NPIPA5: variants seen among roughly 807,000 people sequenced by gnomAD.
The protein encoded by NPIPA5 is nuclear pore complex-interacting protein family member A5.
Under a neutral mutation model 21.4 loss-of-function variants are expected in NPIPA5, and 6 were observed. The observed-to-expected ratio is 0.28, with a 90% confidence interval of 0.15 to 0.55. The LOEUF is 0.55. Ranked by LOEUF, NPIPA5 falls within the 20% of genes least tolerant of loss-of-function variation. The probability of loss-of-function intolerance (pLI) is 0.93; values close to 1 mark genes in which losing one functional copy is unlikely to be tolerated. For missense variants in NPIPA5, 99 were observed against 318.2 expected (o/e 0.31, Z 5.24); for synonymous variants, 33 against 115.3 (o/e 0.29, Z 4.57).
At chr16:15,372,488 G>C (rs1428258205) in intron 2 of NPIPA5, among the ~76,000 whole-genome samples, 1 of 144,974 alleles carries the variant, frequency 6.9e-6, no homozygotes, top group African/African-American at 2.5e-5. Context: ...CCTCTTGGGG[G>C]TGAGAAAAGA....
chr16:15,380,224 G>T (rs2050406738), upstream of NPIPA5, among the ~76,000 whole-genome samples: 1 of 151,696 alleles, frequency 6.6e-6, no homozygotes, highest in Non-Finnish European at 1.5e-5. Flanking sequence ...CAAAATTATA[G>T]AACATATATA....
upstream of NPIPA5, among the ~76,000 whole-genome samples, chr16:15,379,893 G>A (rs2925565): frequency 8.6e-5 from 13 of 152,010 alleles, no homozygotes; most frequent in African/African-American, 1.7e-4. Context: ...GCAGTGAGCC[G>A]AGATTGTGCC....
upstream of NPIPA5, among the ~76,000 whole-genome samples, chr16:15,379,922 G>T (rs1181307014): frequency 7.3e-5 from 11 of 151,580 alleles, no homozygotes; most frequent in Admixed American, 7.2e-4. Flanking sequence ...CCAGCCTGGG[G>T]GACAGAGTGA....
intron 4 of NPIPA5, among the ~76,000 whole-genome samples, chr16:15,367,189 T>A (rs1567407013): frequency 6.6e-6 from 1 of 152,132 alleles, no homozygotes; most frequent in East Asian, 1.9e-4. Context: ...ATCTGACTCC[T>A]CCTGTGTGAG....
chr16:15,368,971 T>A, intron 4 of NPIPA5, among the ~76,000 whole-genome samples: 1 of 65,592 alleles, frequency 1.5e-5, no homozygotes, highest in East Asian at 9.1e-4. Flanking sequence ...AGAGTGAGAC[T>A]CTGTCTCAAA....
chr16:15,364,043 A>G lies in NPIPA5; in HGVS notation c.669T>C (p.Arg223=), dbSNP rs1208596386. ...NRVRMAAVEH[R]HSSGLPYWPY... Reference sequence around the variant, plus strand: ...GCCAGTAGGGCAATCCTGAAGAATGACGATGCTCCACTGCCGCCATTCTGA... The same window carrying G: ...GCCAGTAGGGCAATCCTGAAGAATGGCGATGCTCCACTGCCGCCATTCTGA... Residue 223 remains arginine (R), a synonymous_variant, in exon 8 of 8, where the codon CGT becomes CGC. Coordinates refer to ENST00000360151, the MANE Select transcript of NPIPA5 (RefSeq NM_001277325.2). The G allele has an allele frequency of 6.4e-7, 1 of 1,574,166 alleles. No homozygotes were observed. The highest frequency in any genetic ancestry group is 8.5e-7 in the Non-Finnish European group (1 of 1,169,796).
chr16:15,375,971 T>C (rs2150879605), intron 1 of NPIPA5, among the ~76,000 whole-genome samples: 1 of 150,380 alleles, frequency 6.6e-6, no homozygotes, highest in Non-Finnish European at 1.5e-5. Flanking sequence ...TCTTTCAAGA[T>C]GGTGAATTAA....
upstream of NPIPA5, chr16:15,381,101 A>T (rs530047137): frequency 2.1e-3 from 3,210 of 1,516,300 alleles, 43 homozygotes; most frequent in African/African-American, 0.027. Flanking sequence ...AGACAATTTT[A>T]AAAAAAAAAG....
At chr16:15,374,323 C>G (rs1414733466) in intron 1 of NPIPA5, among the ~76,000 whole-genome samples, 2 of 150,268 alleles carry the variant, frequency 1.3e-5, no homozygotes, top group South Asian at 2.1e-4. Context: ...CTCAGCCTCC[C>G]GAGCAGCTGA....
At chr16:15,376,847 C>G (rs1280872040) in intron 1 of NPIPA5, among the ~76,000 whole-genome samples, 21 of 152,224 alleles carry the variant, frequency 1.4e-4, no homozygotes, top group African/African-American at 3.9e-4. Flanking sequence ...ATTAGCCAGG[C>G]ATTGTAATCT....
At chr16:15,370,422 TCACACACACACACA>T (rs576379543) in intron 2 of NPIPA5, among the ~76,000 whole-genome samples, 1 of 118,396 alleles carries the variant, frequency 8.4e-6, no homozygotes, top group Non-Finnish European at 1.8e-5. Flanking sequence ...TGAGACTCTG[TCACACACACACACA>T]CACACACACA....
upstream of NPIPA5, among the ~76,000 whole-genome samples, chr16:15,379,504 C>T (rs1261196455): frequency 7.3e-5 from 11 of 151,720 alleles, no homozygotes; most frequent in Admixed American, 2.6e-4. Flanking sequence ...GAGGCAGAGT[C>T]TGCAGTGAGC....
At chr16:15,372,415 G>A (rs2050181137) in intron 2 of NPIPA5, among the ~76,000 whole-genome samples, 1 of 145,928 alleles carries the variant, frequency 6.9e-6, no homozygotes. Context: ...AAGCCAGGAG[G>A]TGGAGGTTGC....
intron 4 of NPIPA5, 77 bp from the exon 5 acceptor site, chr16:15,366,837 C>G: frequency 6.6e-7 from 1 of 1,520,444 alleles, no homozygotes; most frequent in Non-Finnish European, 8.7e-7. Flanking sequence ...CATCTGAAGG[C>G]TGTGATTCAA....
At chr16:15,365,080 C>T in intron 7 of NPIPA5, 1 of 1,203,792 alleles carries the variant, frequency 8.3e-7, no homozygotes, top group South Asian at 1.6e-5. Context: ...ACAGAGGCCA[C>T]ACAAGAACCA....
At position 15,363,717 on chromosome 16, in the gene NPIPA5, G is replaced by A. The variant is rs1482041168; in HGVS notation, c.995C>T (p.Pro332Leu). ...GAAGGGGAGTGAGCAGACACACTCG[G>A]GAGGTGTCTTGAGATTATCATCCGC... ...PSADDNLKTPPECVCSLPFHP... is the reference protein window; with the variant it reads ...PSADDNLKTPLECVCSLPFHP... Residue 332 changes from proline to leucine, a missense_variant, in exon 8 of 8, where the codon CCC becomes CTC. Transcript: ENST00000360151. 2 of 1,428,534 alleles carry A rather than the reference G, an allele frequency of 1.4e-6. No individual in the cohort carries two copies. The highest frequency in any genetic ancestry group is 1.9e-6 in the Non-Finnish European group (2 of 1,078,696). 88.5% of individuals were successfully genotyped at this position (1,428,534 alleles called of 1,614,324 possible).
chr16:15,377,655 G>T (rs1396961013), intron 1 of NPIPA5, among the ~76,000 whole-genome samples: 2 of 109,062 alleles, frequency 1.8e-5, no homozygotes, highest in Non-Finnish European at 3.7e-5. Flanking sequence ...GAGGGGAAGG[G>T]GAAGGGGAGG....
At chr16:15,380,229 T>C (rs956288946), upstream of NPIPA5, among the ~76,000 whole-genome samples, 10 of 152,088 alleles carry the variant, frequency 6.6e-5, no homozygotes, top group South Asian at 1.7e-3. Flanking sequence ...TTATAGAACA[T>C]ATATATGTAC....
chr16:15,381,017 G>A (rs575939997), upstream of NPIPA5: 53 of 1,514,342 alleles, frequency 3.5e-5, 1 homozygote, highest in Middle Eastern at 4.7e-4. Flanking sequence ...GACAGGAACC[G>A]TGGGGTCAGG....
Sources: allele counts gnomAD v4.1 joint callset (sites outside exome capture counted in the v4.1 genomes callset), GRCh38; gene constraint gnomAD v4.1.1; transcripts MANE v1.5; gene names NCBI Gene and HGNC (gene_info 2026-07-23, HGNC 2026-07-21).